COA1: variants seen among roughly 807,000 people sequenced by gnomAD.
COA1 encodes the protein cytochrome c oxidase assembly factor 1.
Under a neutral mutation model 16.0 loss-of-function variants are expected in COA1, and 13 were observed. That is an observed-to-expected ratio of 0.81 (90% CI 0.53 to 1.29). The LOEUF is 1.29. Ranked by LOEUF, COA1 falls within the 50% of genes most tolerant of loss-of-function variation. COA1 has a pLI of 0.00. For missense variants in COA1, 179 were observed against 177.0 expected, an observed-to-expected ratio of 1.01 and a Z score of -0.06; for synonymous variants, 65 against 65.7, an observed-to-expected ratio of 0.99 and a Z score of 0.05.
chr7:43,692,343 G>A (rs975811533), intron 1 of COA1, among the ~76,000 whole-genome samples: 1 of 152,096 alleles, frequency 6.6e-6, no homozygotes, highest in African/African-American at 2.4e-5. Context: ...ACATGGTGAA[G>A]CCATGTATCT....
intron 1 of COA1, among the ~76,000 whole-genome samples, chr7:43,663,567 G>C (rs1030625342): frequency 2.7e-5 from 4 of 150,508 alleles, no homozygotes; most frequent in Admixed American, 6.6e-5. Flanking sequence ...AGGAGGCTGA[G>C]GCAGGGCAAG....
chr7:43,720,851 C>T (rs2095493101), intron 1 of COA1, among the ~76,000 whole-genome samples: 1 of 152,188 alleles, frequency 6.6e-6, no homozygotes, highest in South Asian at 2.1e-4. Context: ...TATGAGTCAC[C>T]TAAGTGCAAA....
chr7:43,619,613 TGAC>T, intron 6 of COA1: 1 of 1,613,962 alleles, frequency 6.2e-7, no homozygotes, highest in Non-Finnish European at 8.5e-7. Flanking sequence ...AATATTCTGT[TGAC>T]AAGTGAATCT....
At chr7:43,645,200 T>G (rs781597569) in intron 4 of COA1, 51 bp downstream of exon 4, 17 of 1,588,996 alleles carry the variant, frequency 1.1e-5, no homozygotes, top group African/African-American at 2.7e-5. Context: ...CAGTAGACTC[T>G]CCTCTCCTTC....
chr7:43,712,135 CAG>C (rs1365100629), intron 1 of COA1, among the ~76,000 whole-genome samples: 1 of 151,284 alleles, frequency 6.6e-6, no homozygotes, highest in African/African-American at 2.4e-5. Context: ...TTTTTTGAGA[CAG>C]AGTCTCACTC....
At chr7:43,662,688 T>A (rs1187632440) in intron 1 of COA1, among the ~76,000 whole-genome samples, 1 of 152,256 alleles carries the variant, frequency 6.6e-6, no homozygotes, top group Non-Finnish European at 1.5e-5. Context: ...AGATATGCCA[T>A]TTATGTTAAT....
At chr7:43,621,816 A>G (rs1163741859) in intron 6 of COA1, among the ~76,000 whole-genome samples, 1 of 152,212 alleles carries the variant, frequency 6.6e-6, no homozygotes, top group South Asian at 2.1e-4. Flanking sequence ...AAATGATTCA[A>G]AAGTACATAA....
intron 1 of COA1, among the ~76,000 whole-genome samples, chr7:43,716,613 A>G (rs922719727): frequency 1.4e-4 from 21 of 152,202 alleles, no homozygotes; most frequent in African/African-American, 5.1e-4. Flanking sequence ...TGACAATGTG[A>G]TAGGAAAGAA....
chr7:43,706,136 C>T (rs1030371973), intron 1 of COA1, among the ~76,000 whole-genome samples: 1 of 152,202 alleles, frequency 6.6e-6, no homozygotes, highest in East Asian at 1.9e-4. Context: ...ATTTTCATAA[C>T]TTGAATAAAA....
chr7:43,651,373 ACTCTG>A (rs1293561646), intron 1 of COA1, among the ~76,000 whole-genome samples: 1 of 152,212 alleles, frequency 6.6e-6, no homozygotes, highest in African/African-American at 2.4e-5. Context: ...AGCAGTCTTA[ACTCTG>A]CTCTGATACA....
At chr7:43,610,190 C>CA (rs1290310526) in intron 6 of COA1, among the ~76,000 whole-genome samples, 4 of 151,250 alleles carry the variant, frequency 2.6e-5, no homozygotes, top group African/African-American at 2.4e-5. Context: ...AGTAAAAATA[C>CA]AAAAAAATTA....
chr7:43,668,156 T>C (rs1347505502), intron 1 of COA1, among the ~76,000 whole-genome samples: 2 of 151,958 alleles, frequency 1.3e-5, no homozygotes, highest in Non-Finnish European at 2.9e-5. Context: ...ACTGGCCTCA[T>C]ACCTTGTCTA....
intron 6 of COA1, among the ~76,000 whole-genome samples, chr7:43,627,411 A>G (rs1023201265): frequency 8.5e-5 from 13 of 152,224 alleles, no homozygotes; most frequent in Non-Finnish European, 1.6e-4. Context: ...CATGAATTAT[A>G]GTCCTCAGTA....
chr7:43,651,444 A>C (rs554964410), intron 1 of COA1, among the ~76,000 whole-genome samples: 2 of 152,288 alleles, frequency 1.3e-5, no homozygotes, highest in Admixed American at 6.5e-5. Context: ...TTTCCAAAGT[A>C]CTAAACCCTT....
intron 1 of COA1, among the ~76,000 whole-genome samples, chr7:43,715,548 T>G (rs1346642193): frequency 6.6e-6 from 1 of 152,190 alleles, no homozygotes; most frequent in East Asian, 1.9e-4. Flanking sequence ...CTATTTTGGC[T>G]GCCTCCTCTC....
chr7:43,691,330 AGAAAGAGAGAGAGGGAGG>A (rs2094310056), intron 1 of COA1, among the ~76,000 whole-genome samples: 2 of 81,268 alleles, frequency 2.5e-5, no homozygotes, highest in Admixed American at 2.6e-4. Context: ...AGAAAGAAAG[AGAAAGAGAGAGAGGGAGG>A]GAGGGAGGGA....
intron 6 of COA1, chr7:43,623,766 T>C (rs753382535): frequency 6.2e-7 from 1 of 1,608,396 alleles, no homozygotes; most frequent in Non-Finnish European, 8.5e-7. Context: ...TCTTAGGCAA[T>C]GATAAACAAG....
In COA1 at chr7:43,648,455, C is replaced by T. The variant is rs2090041056; in HGVS notation, c.15+145G>A. 3 of 850,054 alleles carry T rather than the reference C, an allele frequency of 3.5e-6. No homozygotes were observed. In the Admixed American group the frequency reaches 5.4e-5, roughly 15 times the overall value. The allele number at this position is 850,054 out of a possible 1,614,324, so 52.7% of individuals were successfully genotyped here. ...GGGAAACAATGCAGAAAATGCCCAT[C>T]CCTCCTGTGAAGTTAAAGCACAAGT... On this transcript the variant is annotated intron_variant, in intron 2 of 5. Coordinates refer to ENST00000223336, the MANE Select transcript of COA1 (RefSeq NM_018224.4).
chr7:43,648,739 C>A lies in COA1; in HGVS notation c.-38-87G>T, dbSNP rs1051874185. On this transcript the variant is annotated intron_variant, in intron 1 of 5. Coordinates refer to ENST00000223336, the MANE Select transcript of COA1 (RefSeq NM_018224.4). The stretch of plus-strand genomic sequence containing the variant: ...CATACAGCCAAGATTTATTACCAAC[C>A]CAAGCTTTAGAACACGAACAAGAAG... 1.3e-5 allele frequency: 12 copies of A among 925,326 alleles called. No individual in the cohort carries two copies. In the Admixed American group the frequency reaches 2.4e-4, roughly 19 times the overall value. The allele number at this position is 925,326 out of a possible 1,614,324, so 57.3% of individuals were successfully genotyped here. A position where few individuals can be genotyped will look rare whatever the true frequency, so the allele number is the denominator to read the frequency against.
Sources: allele counts gnomAD v4.1 joint callset (sites outside exome capture counted in the v4.1 genomes callset), GRCh38; gene constraint gnomAD v4.1.1; transcripts MANE v1.5; gene names NCBI Gene and HGNC (gene_info 2026-07-23, HGNC 2026-07-21).